Variants in PLXDC2 observed in about 807,000 individuals in gnomAD.
The protein encoded by PLXDC2 is plexin domain-containing protein 2.
Under a neutral mutation model 68.9 loss-of-function variants are expected in PLXDC2, and 40 were observed. That is an observed-to-expected ratio of 0.58 (90% CI 0.45 to 0.76). PLXDC2 has a LOEUF of 0.76. PLXDC2 is among the 30% of genes least tolerant of loss of function. PLXDC2 has a pLI of 0.00. For missense variants in PLXDC2, 644 were observed against 661.9 expected, an observed-to-expected ratio of 0.97 and a Z score of 0.30; for synonymous variants, 243 against 234.2, an observed-to-expected ratio of 1.04 and a Z score of -0.34.
At chr10:20,209,805 A>G (rs896791259) in intron 9 of PLXDC2, among the ~76,000 whole-genome samples, 2 of 152,184 alleles carry the variant, frequency 1.3e-5, no homozygotes, top group Non-Finnish European at 2.9e-5. Context: ...AGATGACAGG[A>G]TTAAGAGATT....
intron 2 of PLXDC2, among the ~76,000 whole-genome samples, chr10:20,044,524 G>C (rs147109770): frequency 0.012 from 1,870 of 151,866 alleles, 44 homozygotes; most frequent in African/African-American, 0.043. Context: ...TGGCTAGGCT[G>C]TTCTGGAACT....
intron 1 of PLXDC2, among the ~76,000 whole-genome samples, chr10:19,860,663 A>G (rs1250278715): frequency 1.3e-5 from 2 of 152,142 alleles, no homozygotes; most frequent in East Asian, 3.9e-4. Context: ...AATATCTACT[A>G]TACCCAGGGC....
intron 1 of PLXDC2, among the ~76,000 whole-genome samples, chr10:19,870,251 A>G (rs1022667707): frequency 6.6e-6 from 1 of 152,200 alleles, no homozygotes; most frequent in Non-Finnish European, 1.5e-5. Flanking sequence ...GAAAAGGTCA[A>G]ATCAACTAGG....
At chr10:19,824,558 C>T (rs542640436) in intron 1 of PLXDC2, among the ~76,000 whole-genome samples, 2 of 152,284 alleles carry the variant, frequency 1.3e-5, no homozygotes, top group Admixed American at 6.5e-5. Context: ...GTAGAGTACT[C>T]CATTCTGAGA....
chr10:19,919,431 G>A (rs1250984971), intron 1 of PLXDC2, among the ~76,000 whole-genome samples: 1 of 152,204 alleles, frequency 6.6e-6, no homozygotes, highest in Non-Finnish European at 1.5e-5. Context: ...TTGGGAGCCT[G>A]CTGTAAAAAT....
intron 4 of PLXDC2, among the ~76,000 whole-genome samples, chr10:20,103,031 A>G (rs944845471): frequency 2.0e-5 from 3 of 152,152 alleles, no homozygotes; most frequent in African/African-American, 7.2e-5. Flanking sequence ...CTTTGAAGAC[A>G]TTTGCTAACA....
intron 1 of PLXDC2, among the ~76,000 whole-genome samples, chr10:19,836,134 T>G (rs950866395): frequency 1.3e-5 from 2 of 151,514 alleles, no homozygotes; most frequent in African/African-American, 2.4e-5. Context: ...CCAAGATTGG[T>G]CCACCGCACT....
At chr10:19,876,415 G>T (rs1197841783) in intron 1 of PLXDC2, among the ~76,000 whole-genome samples, 4 of 151,960 alleles carry the variant, frequency 2.6e-5, no homozygotes, top group African/African-American at 9.7e-5. Context: ...GAAAGGAAAA[G>T]ATTTTAAAAG....
chr10:19,999,911 A>G (rs930403404), intron 1 of PLXDC2, among the ~76,000 whole-genome samples: 2 of 152,196 alleles, frequency 1.3e-5, no homozygotes, highest in Admixed American at 6.5e-5. Flanking sequence ...AATATAGAAT[A>G]ACAAAAGCAC....
intron 2 of PLXDC2, among the ~76,000 whole-genome samples, chr10:20,015,065 A>G (rs1359056331): frequency 6.6e-6 from 1 of 152,220 alleles, no homozygotes; most frequent in African/African-American, 2.4e-5. Context: ...GCCAGGAGTG[A>G]GTTGACAGCA....
At chr10:19,849,551 T>C (rs1837076664) in intron 1 of PLXDC2, among the ~76,000 whole-genome samples, 1 of 152,120 alleles carries the variant, frequency 6.6e-6, no homozygotes, top group Non-Finnish European at 1.5e-5. Context: ...GATAGTGATC[T>C]GATGGCTTTA....
intron 2 of PLXDC2, among the ~76,000 whole-genome samples, chr10:20,009,898 A>G (rs558048332): frequency 1.3e-5 from 2 of 151,972 alleles, no homozygotes; most frequent in African/African-American, 2.4e-5. Flanking sequence ...CCTGATTGCT[A>G]TGGGAACTGA....
At chr10:20,044,207 C>CTCTCTCTTTCTTTCTTTCTT (rs1564293827) in intron 2 of PLXDC2, among the ~76,000 whole-genome samples, 1 of 89,958 alleles carries the variant, frequency 1.1e-5, no homozygotes, top group Non-Finnish European at 2.2e-5. Flanking sequence ...CTCTCTCTCT[C>CTCTCTCTTTCTTTCTTTCTT]TCTGTCTTTC....
chr10:19,879,057 GTC>G (rs1837683127), intron 1 of PLXDC2, among the ~76,000 whole-genome samples: 1 of 152,154 alleles, frequency 6.6e-6, no homozygotes, highest in African/African-American at 2.4e-5. Flanking sequence ...AAGTGGTCTT[GTC>G]TCTGCCTGTA....
intron 1 of PLXDC2, among the ~76,000 whole-genome samples, chr10:19,977,942 C>T (rs1225900501): frequency 6.6e-6 from 1 of 152,170 alleles, no homozygotes; most frequent in Admixed American, 6.5e-5. Flanking sequence ...CCTGGTGTCT[C>T]TCTGTTTTAC....
At chr10:19,936,310 T>C (rs1438987547) in intron 1 of PLXDC2, among the ~76,000 whole-genome samples, 2 of 152,162 alleles carry the variant, frequency 1.3e-5, no homozygotes, top group Non-Finnish European at 2.9e-5. Flanking sequence ...TTTGTCTGCT[T>C]TATGCTTTAT....
chr10:20,057,405 A>C (rs931128850), intron 3 of PLXDC2, among the ~76,000 whole-genome samples: 1 of 152,044 alleles, frequency 6.6e-6, no homozygotes, highest in Non-Finnish European at 1.5e-5. Context: ...CAATATCTTT[A>C]TTTTTGTCTG....
intron 1 of PLXDC2, among the ~76,000 whole-genome samples, chr10:19,949,516 A>C (rs1203727280): frequency 6.6e-6 from 1 of 152,210 alleles, no homozygotes; most frequent in African/African-American, 2.4e-5. Context: ...TTTAACCCCA[A>C]ATGAAATGTG....
chr10:20,281,282 G>C lies in PLXDC2; in HGVS notation c.*1463G>C, dbSNP rs1276905950. On this transcript the variant is annotated 3_prime_UTR_variant, in exon 14 of 14. Coordinates refer to ENST00000377252, the MANE Select transcript of PLXDC2 (RefSeq NM_032812.9). ...GAAAGGAATGGCATCCCTTGAGAAGGAAAGTGGTTAATATACATACTGAGC... is the reference window on the plus strand; with the variant it reads ...GAAAGGAATGGCATCCCTTGAGAAGCAAAGTGGTTAATATACATACTGAGC... 1 of 152,102 alleles carries C rather than the reference G, an allele frequency of 6.6e-6. No homozygotes were observed. Among genetic ancestry groups the C allele is most frequent in the Non-Finnish European group, 1.5e-5 (1 of 68,018 alleles). 9.4% of individuals were successfully genotyped at this position (152,102 alleles called of 1,614,324 possible).
Sources: allele counts gnomAD v4.1 joint callset (sites outside exome capture counted in the v4.1 genomes callset), GRCh38; gene constraint gnomAD v4.1.1; transcripts MANE v1.5; gene names NCBI Gene and HGNC (gene_info 2026-07-23, HGNC 2026-07-21).